The following MYO15A variants were observed in gnomAD, a reference collection of about 807,000 sequenced individuals.
The protein encoded by MYO15A is myosin XVA.
A neutral mutation model predicts 394.6 loss-of-function variants in MYO15A; 308 were observed. The observed-to-expected ratio is 0.78, with a 90% CI of 0.71 to 0.86. MYO15A has a LOEUF of 0.86. Ranked by LOEUF, MYO15A falls within the 40% of genes least tolerant of loss-of-function variation. The pLI, the probability that MYO15A is intolerant of heterozygous loss-of-function variation, is 0.00. For missense variants in MYO15A, 4,606 were observed against 4,799.1 expected (o/e 0.96, Z 1.19); for synonymous variants, 1,957 against 2,003.8 (o/e 0.98, Z 0.62).
Position 18,150,248 on chromosome 17 carries a change from T to C in MYO15A, c.7213-181T>C, listed in dbSNP as rs543534005. 2.0e-5 allele frequency among the ~76,000 whole-genome samples: 3 copies of C among 152,236 alleles called. No individual in the cohort carries two copies. The South Asian group carries it at 6.2e-4, about 32-fold the overall frequency. On this transcript the variant is annotated intron_variant, in intron 35 of 65. Coordinates refer to ENST00000647165, the MANE Select transcript of MYO15A (RefSeq NM_016239.4). The surrounding 1 kb of genome is among the most constrained non-coding windows in gnomAD (Gnocchi z 4.4). ...GATGGGTTGGGAGCTCATATGGTTA[T>C]GGATACGACTGATTGGGATGCCATA...
rs759225436 is a variant in MYO15A, at chr17:18,172,159, C to G, written c.10219C>G (p.Leu3407Val). ...PHQARAQFLGLLSALPMFGSS... is the reference protein window; with the variant it reads ...PHQARAQFLGVLSALPMFGSS... ...TGCCACCCCCTCTCCCTGCCCAGGC[C>G]TCCTCAGCGCCTTACCTATGTTCGG... The change falls in exon 64 of 66, where the codon CTC (leucine) becomes GTC (valine). Residue 3407 changes from leucine (L) to valine (V), a missense_variant and splice_region_variant. By Grantham distance (32) the Leu-to-Val change is conservative. Transcript: ENST00000647165. 1.2e-6 allele frequency: 2 copies of G among 1,614,188 alleles called. No homozygotes were observed. The highest frequency in any genetic ancestry group is 1.7e-6 in the Non-Finnish European group (2 of 1,180,040).
At chr17:18,138,390 AC>A (rs1461306634) in intron 17 of MYO15A, 144 bp downstream of exon 17, 27 of 1,064,402 alleles carry the variant, frequency 2.5e-5, no homozygotes, top group Admixed American at 4.0e-5. Flanking sequence ...ACTATTCACA[AC>A]CTGGGGTGAT....
At chr17:18,127,833 AGAT>A (rs1216318433) in intron 7 of MYO15A, among the ~76,000 whole-genome samples, 1 of 62,840 alleles carries the variant, frequency 1.6e-5, no homozygotes, top group African/African-American at 5.7e-5. Context: ...AGAAAAAAAA[AGAT>A]ATATATATAT....
chr17:18,141,922 A>G lies in MYO15A; in HGVS notation c.5649+152A>G. The G allele has an allele frequency of 3.3e-6, 4 of 1,206,654 alleles. No homozygotes were observed. In the Admixed American group the frequency reaches 5.2e-5, roughly 16 times the overall value. 74.7% of individuals were successfully genotyped at this position (1,206,654 alleles called of 1,614,324 possible). ...AATGCTAACTACCTGATTCACCAGCATCCTCTCTTCAACCTCTCCAAGTCC... is the reference window on the plus strand; with the variant it reads ...AATGCTAACTACCTGATTCACCAGCGTCCTCTCTTCAACCTCTCCAAGTCC... On this transcript the variant is annotated intron_variant, in intron 23 of 65. Transcript: ENST00000647165.
At chr17:18,166,869 A>G (rs2046862958) in intron 61 of MYO15A, among the ~76,000 whole-genome samples, 1 of 152,152 alleles carries the variant, frequency 6.6e-6, no homozygotes, top group Non-Finnish European at 1.5e-5. Flanking sequence ...CCTTTGCTCC[A>G]AGTGCTAAGC....
intron 25 of MYO15A, 121 bp downstream of exon 25, chr17:18,142,961 C>CACTA (rs370083272): frequency 1.2e-6 from 1 of 854,274 alleles, no homozygotes; most frequent in African/African-American, 1.7e-5. Context: ...CTCTGCCACC[C>CACTA]ACTAGCTCTT....
In MYO15A at chr17:18,117,781, A is replaced by G. The variant is rs2142232650; in HGVS notation, c.-219-801A>G. ...GGCAGTAACCACATGGCCACAGCCT[A>G]CTCAGCCAGGGCAGAAAGTAAGAGG... On this transcript the variant is annotated intron_variant, in intron 1 of 65. Coordinates refer to ENST00000647165, the MANE Select transcript of MYO15A (RefSeq NM_016239.4). The surrounding 1 kb of genome is among the most constrained non-coding windows in gnomAD (Gnocchi z 4.1). Among the ~76,000 whole-genome samples, 1 of 152,324 alleles carries G rather than the reference A, an allele frequency of 6.6e-6. No individual in the cohort carries two copies. Among genetic ancestry groups the G allele is most frequent in the Admixed American group, 6.5e-5 (1 of 15,308 alleles).
chr17:18,172,124 A>G (rs1366985340), intron 63 of MYO15A, 33 bp from the exon 64 acceptor site: 2 of 1,613,850 alleles, frequency 1.2e-6, no homozygotes, highest in Admixed American at 3.3e-5. Context: ...AGCCCTGCCC[A>G]GCACGTAACT....
chr17:18,168,763 A>G (rs1567664818), intron 62 of MYO15A, among the ~76,000 whole-genome samples: 1 of 151,928 alleles, frequency 6.6e-6, no homozygotes, highest in Non-Finnish European at 1.5e-5. Context: ...AATGTAAATC[A>G]GTCATTCTCA....
At position 18,155,111 on chromosome 17, in the gene MYO15A, CCAGAACCAGCTGGACACA is replaced by C; in HGVS notation, c.8232_8249del (p.Asn2744_Gln2749del). On this transcript the variant is annotated inframe_deletion and splice_region_variant, in exon 46 of 66. Coordinates refer to ENST00000647165, the MANE Select transcript of MYO15A (RefSeq NM_016239.4). ...CTGACCAGACCTGGCCTCCCATAGC[CCAGAACCAGCTGGACACA>C]CAGAAGCCTCTGGTAACGGAAAGCG... 1 of 1,613,012 alleles carries C rather than the reference CCAGAACCAGCTGGACACA, an allele frequency of 6.2e-7. No individual in the cohort carries two copies. Among genetic ancestry groups the C allele is most frequent in the South Asian group, 1.1e-5 (1 of 90,924 alleles).
intron 21 of MYO15A, 58 bp downstream of exon 21, chr17:18,140,890 C>T (rs2046366588): frequency 6.2e-7 from 1 of 1,613,472 alleles, no homozygotes; most frequent in South Asian, 1.1e-5. Context: ...GCTGTGTGAC[C>T]TTGGGCAAGT....
intron 44 of MYO15A, 100 bp downstream of exon 44, chr17:18,154,290 T>G (rs1383711154): frequency 2.1e-6 from 3 of 1,431,162 alleles, no homozygotes; most frequent in Non-Finnish European, 2.9e-6. Context: ...TGTTGGGATT[T>G]GGGGTCCTTG....
At position 18,151,385 on chromosome 17, in the gene MYO15A, T is replaced by A; in HGVS notation, c.7655-10T>A. 1 of 1,614,180 alleles carries A rather than the reference T, an allele frequency of 6.2e-7. No individual in the cohort carries two copies. Among genetic ancestry groups the A allele is most frequent in the South Asian group, 1.1e-5 (1 of 91,088 alleles). ...CCTCACCCTGTTCCCACCGCGCCCCTTGCCCACAGCTTCACCCTCCCCAGA... is the reference window on the plus strand; with the variant it reads ...CCTCACCCTGTTCCCACCGCGCCCCATGCCCACAGCTTCACCCTCCCCAGA... On this transcript the variant is annotated splice_polypyrimidine_tract_variant and intron_variant, in intron 39 of 65. Transcript: ENST00000647165.
intron 12 of MYO15A, 142 bp from the exon 13 acceptor site, chr17:18,135,569 G>A (rs893832274): frequency 1.4e-6 from 1 of 712,714 alleles, no homozygotes; most frequent in Middle Eastern, 3.8e-4. Context: ...TCGAACTCCT[G>A]GCCTCAGGTG....
At position 18,172,229 on chromosome 17, in the gene MYO15A, CAGCCCCTT is replaced by C; in HGVS notation, c.10290_10297del (p.Ala3431HisfsTer18). The C allele has an allele frequency of 6.2e-7, 1 of 1,614,246 alleles. No individual in the cohort carries two copies. Among genetic ancestry groups the C allele is most frequent in the Non-Finnish European group, 8.5e-7 (1 of 1,180,052 alleles). ...CAGAGCTGCAGCAACATTGCTGTGCCAGCCCCTTGCATCCTTGCCATCAACCACAATGG... is the reference window on the plus strand; with the variant it reads ...CAGAGCTGCAGCAACATTGCTGTGCCGCATCCTTGCCATCAACCACAATGG... On this transcript the variant is annotated frameshift_variant, in exon 64 of 66. Coordinates refer to ENST00000647165, the MANE Select transcript of MYO15A (RefSeq NM_016239.4). LOFTEE classifies it high-confidence loss of function.
chr17:18,110,824 G>C (rs1013951433), intron 1 of MYO15A, among the ~76,000 whole-genome samples: 6 of 152,208 alleles, frequency 3.9e-5, no homozygotes, highest in African/African-American at 1.4e-4. Context: ...CCATAGGACT[G>C]TCCTTGAAGC....
rs1032175449 is a variant in MYO15A at position 18,153,485 on chromosome 17, T to C, written c.7967-290T>C. 2 of 165,230 alleles carry C rather than the reference T, an allele frequency of 1.2e-5. No homozygotes were observed. Among genetic ancestry groups the C allele is most frequent in the African/African-American group, 2.4e-5 (1 of 41,512 alleles). 10.2% of individuals were successfully genotyped at this position (165,230 alleles called of 1,614,324 possible). ...GCCGAGGCGGGCGGACCACCTGAGG[T>C]CAGGAATTTGAGACTAGCCGGCCCA... is the stretch of plus-strand genomic sequence containing the variant. On this transcript the variant is annotated intron_variant, in intron 42 of 65. Coordinates refer to ENST00000647165, the MANE Select transcript of MYO15A (RefSeq NM_016239.4). The surrounding 1 kb of genome is among the most constrained non-coding windows in gnomAD (Gnocchi z 4.1).
Position 18,121,979 on chromosome 17 carries a change from G to A in MYO15A, c.3179G>A (p.Ser1060Asn), listed in dbSNP as rs759771939. 1.9e-5 allele frequency: 30 copies of A among 1,613,120 alleles called. No individual in the cohort carries two copies. Among genetic ancestry groups the A allele is most frequent in the Non-Finnish European group, 2.4e-5 (28 of 1,180,018 alleles). The change falls in exon 2 of 66, where the codon AGC becomes AAC. Residue 1060 changes from serine (S) to asparagine (N), a missense_variant. By Grantham distance (46) the Ser-to-Asn change is conservative (BLOSUM62 1). This residue lies in a region of MYO15A where 1,830 missense variants were observed against 1,689.7 expected (regional missense o/e 1.08). Transcript: ENST00000647165. The surrounding 1 kb of genome is among the most constrained non-coding windows in gnomAD (Gnocchi z 5.3). The part of the protein sequence containing the change: ...VLPEQKTLRP[S>N]LSYPLAACDQ... The stretch of plus-strand genomic sequence containing the variant: ...CCAGAGCAAAAGACATTAAGGCCCA[G>A]CCTCTCATACCCACTGGCTGCGTGT...
At chr17:18,162,481 G>T in intron 57 of MYO15A, 104 bp from the exon 58 acceptor site, 1 of 1,020,748 alleles carries the variant, frequency 9.8e-7, no homozygotes. Context: ...CTTCCCCACA[G>T]CTTGTGGAGA....
Sources: gnomAD v4.1 joint callset for allele counts (sites outside exome capture counted in the v4.1 genomes callset) on GRCh38, gnomAD v4.1.1 for gene constraint, gnomAD v4.1.1 regional missense constraint, Gnocchi (gnomAD v3.1) non-coding constraint, MANE v1.5 for transcripts, NCBI Gene and HGNC (gene_info 2026-07-23, HGNC 2026-07-21) for gene names.